Variants in FGF12 observed in about 807,000 individuals in gnomAD.
FGF12 encodes the protein fibroblast growth factor 12.
A neutral mutation model predicts 23.6 loss-of-function variants in FGF12; 14 were observed. The observed-to-expected ratio is 0.59, with a 90% CI of 0.39 to 0.93. The LOEUF is 0.93. FGF12 is among the 40% of genes least tolerant of loss of function. The pLI is 0.00. For missense variants in FGF12, 175 were observed against 217.8 expected, an observed-to-expected ratio of 0.80 and a Z score of 1.24; for synonymous variants, 62 against 77.3, an observed-to-expected ratio of 0.80 and a Z score of 1.04.
intron 2 of FGF12, among the ~76,000 whole-genome samples, chr3:192,572,986 A>G (rs1252647097): frequency 6.6e-6 from 1 of 152,226 alleles, no homozygotes; most frequent in Non-Finnish European, 1.5e-5. Context: ...GGGTGATGAC[A>G]TGACTCTAGG....
chr3:192,429,005 T>C (rs1721772367), intron 2 of FGF12, among the ~76,000 whole-genome samples: 1 of 152,144 alleles, frequency 6.6e-6, no homozygotes, highest in African/African-American at 2.4e-5. Flanking sequence ...ATTTATACAC[T>C]GATATATGTT....
chr3:192,356,400 A>G (rs1718474622), intron 3 of FGF12, among the ~76,000 whole-genome samples: 1 of 152,184 alleles, frequency 6.6e-6, no homozygotes, highest in African/African-American at 2.4e-5. Flanking sequence ...AGCGTTTTTG[A>G]CCTCTTCAAA....
intron 2 of FGF12, among the ~76,000 whole-genome samples, chr3:192,531,617 T>C (rs1451506881): frequency 6.6e-6 from 1 of 152,186 alleles, no homozygotes; most frequent in Non-Finnish European, 1.5e-5. Context: ...AAACGTATAA[T>C]TATTTTAAAG....
chr3:192,334,216 G>A (rs906406093), intron 4 of FGF12, among the ~76,000 whole-genome samples: 3 of 152,068 alleles, frequency 2.0e-5, no homozygotes, highest in African/African-American at 7.2e-5. Context: ...GACACAGGAG[G>A]CAGACGGAGT....
At chr3:192,158,809 A>G (rs1714702468) in intron 5 of FGF12, among the ~76,000 whole-genome samples, 1 of 151,832 alleles carries the variant, frequency 6.6e-6, no homozygotes, top group African/African-American at 2.4e-5. Flanking sequence ...TAGATGAGAA[A>G]TGTTTTCATG....
At chr3:192,572,131 GC>G (rs1197225335) in intron 2 of FGF12, among the ~76,000 whole-genome samples, 1 of 152,100 alleles carries the variant, frequency 6.6e-6, no homozygotes, top group East Asian at 1.9e-4. Context: ...CTGGATGGAA[GC>G]TTTTAATAAA....
intron 4 of FGF12, among the ~76,000 whole-genome samples, chr3:192,195,266 G>C (rs1218722499): frequency 2.0e-5 from 3 of 152,156 alleles, no homozygotes; most frequent in Non-Finnish European, 4.4e-5. Flanking sequence ...AATGATCAAA[G>C]AGAAAAGTCA....
At chr3:192,495,500 T>G (rs1331069342) in intron 2 of FGF12, among the ~76,000 whole-genome samples, 1 of 152,174 alleles carries the variant, frequency 6.6e-6, no homozygotes, top group African/African-American at 2.4e-5. Context: ...TTATCAATCA[T>G]AAAGTGTTTT....
At chr3:192,437,418 C>CAT (rs1722057873) in intron 2 of FGF12, among the ~76,000 whole-genome samples, 2 of 152,092 alleles carry the variant, frequency 1.3e-5, no homozygotes, top group Non-Finnish European at 2.9e-5. Context: ...ACTGGCCAGG[C>CAT]GCCGTGGCTC....
chr3:192,721,214 G>A (rs942985757), intron 2 of FGF12, among the ~76,000 whole-genome samples: 1 of 152,176 alleles, frequency 6.6e-6, no homozygotes, highest in African/African-American at 2.4e-5. Flanking sequence ...AGTGTAAAGA[G>A]AGATACAGCT....
chr3:192,168,492 A>G (rs1320410249), intron 5 of FGF12, among the ~76,000 whole-genome samples: 1 of 152,172 alleles, frequency 6.6e-6, no homozygotes, highest in Non-Finnish European at 1.5e-5. Context: ...TCTCAATGAT[A>G]TCTTACTTTT....
intron 2 of FGF12, among the ~76,000 whole-genome samples, chr3:192,668,241 T>C (rs1716971896): frequency 6.6e-6 from 1 of 151,606 alleles, no homozygotes; most frequent in Non-Finnish European, 1.5e-5. Context: ...AATTGAAAAC[T>C]GCATACTCTA....
chr3:192,633,941 G>C (rs188936243), intron 2 of FGF12, among the ~76,000 whole-genome samples: 5 of 152,190 alleles, frequency 3.3e-5, no homozygotes, highest in Admixed American at 6.5e-5. Context: ...GTATATCGTT[G>C]TTGCTTCTCC....
chr3:192,456,797 G>A (rs1722695054), intron 2 of FGF12, among the ~76,000 whole-genome samples: 1 of 152,132 alleles, frequency 6.6e-6, no homozygotes, highest in Non-Finnish European at 1.5e-5. Context: ...AGTGAATAGA[G>A]GTAGTACTAT....
Position 192,660,188 on chromosome 3 carries a change from G to A in FGF12, c.13+66993C>T, listed in dbSNP as rs374115765. ...TGGAATACTATGCAGCCATAAAAAA[G>A]GATGAGTTCATGTCCTTTGTAGGGA... On this transcript the variant is annotated intron_variant, in intron 2 of 5. Transcript: ENST00000445105. Among the ~76,000 whole-genome samples the A allele has an allele frequency of 1.0e-4, 15 of 150,542 alleles. No individual in the cohort carries two copies. In the East Asian group the frequency reaches 2.7e-3, roughly 28 times the overall value.
At chr3:192,664,309 T>C (rs951926005) in intron 2 of FGF12, among the ~76,000 whole-genome samples, 1 of 152,072 alleles carries the variant, frequency 6.6e-6, no homozygotes, top group Non-Finnish European at 1.5e-5. Flanking sequence ...CACTTCCTGT[T>C]TTAAATGAGC....
At chr3:192,171,553 CTAACA>C (rs1715560252) in intron 4 of FGF12, among the ~76,000 whole-genome samples, 1 of 152,150 alleles carries the variant, frequency 6.6e-6, no homozygotes, top group Admixed American at 6.5e-5. Context: ...AAATCATATC[CTAACA>C]TGTCACATGA....
chr3:192,160,569 G>GAA lies in FGF12; in HGVS notation c.427+9887_427+9888dup, dbSNP rs1418454711. 3.3e-5 allele frequency among the ~76,000 whole-genome samples: 5 copies of GAA among 151,828 alleles called. 1 individual carries two copies. Among genetic ancestry groups the GAA allele is most frequent in the African/African-American group, 1.2e-4 (5 of 41,336 alleles). On this transcript the variant is annotated intron_variant, in intron 5 of 5. Coordinates refer to ENST00000445105, the MANE Select transcript of FGF12 (RefSeq NM_004113.6). ...AAAATAGTCCCATATTTTTTTCTTG[G>GAA]AACTAATCTCTAGTGATGTTTTAAA...
chr3:192,583,949 TA>T (rs987605031), intron 2 of FGF12, among the ~76,000 whole-genome samples: 3 of 152,040 alleles, frequency 2.0e-5, no homozygotes, highest in Non-Finnish European at 4.4e-5. Context: ...TCTGCTGACT[TA>T]AAAAAAATCT....
Sources: allele counts gnomAD v4.1 joint callset (sites outside exome capture counted in the v4.1 genomes callset), GRCh38; gene constraint gnomAD v4.1.1; transcripts MANE v1.5; gene names NCBI Gene and HGNC (gene_info 2026-07-23, HGNC 2026-07-21).